Variants in IQSEC3 observed in about 807,000 individuals in gnomAD.
The protein encoded by IQSEC3 is IQ motif and Sec7 domain ArfGEF 3.
Under a neutral mutation model 105.4 loss-of-function variants are expected in IQSEC3, and 50 were observed. The ratio of observed to expected loss-of-function variants is 0.47; its 90% confidence interval spans 0.38 to 0.60. IQSEC3 has a LOEUF of 0.60. Ranked by LOEUF, IQSEC3 falls within the 20% of genes least tolerant of loss-of-function variation. The pLI, the probability that IQSEC3 is intolerant of heterozygous loss-of-function variation, is 0.00. For synonymous variants in IQSEC3, 708 were observed against 746.0 expected, an observed-to-expected ratio of 0.95 and a Z score of 0.83; for missense variants, 1,415 against 1,630.0, an observed-to-expected ratio of 0.87 and a Z score of 2.27.
intron 1 of IQSEC3, among the ~76,000 whole-genome samples, chr12:85,294 A>C (rs539592024): frequency 6.6e-6 from 1 of 152,178 alleles, no homozygotes; most frequent in African/African-American, 2.4e-5. Context: ...CAGAGGCCCA[A>C]TGGCTTTGAT....
In IQSEC3 at chr12:125,891, C is replaced by G. The variant is rs1164450238; in HGVS notation, c.882C>G (p.Ser294=). 6.5e-7 allele frequency: 1 copy of G among 1,533,718 alleles called. No homozygotes were observed. The highest frequency in any genetic ancestry group is 2.0e-5 in the Admixed American group (1 of 51,016). The change falls in exon 3 of 14, where the codon TCC becomes TCG. Residue 294 remains serine (S), a synonymous_variant. Coordinates refer to ENST00000538872, the MANE Select transcript of IQSEC3 (RefSeq NM_001170738.2). ...CTGCCGCCTCCGATTACGAACTCTC[C>G]CTTGACCTAAAGAATAAACAGGTAC... ...HAPAASDYEL[S]LDLKNKQIEM... is the part of the protein sequence containing the mutation.
intron 1 of IQSEC3, among the ~76,000 whole-genome samples, chr12:86,737 G>C (rs1863929055): frequency 6.6e-6 from 1 of 152,070 alleles, no homozygotes; most frequent in African/African-American, 2.4e-5. Context: ...GCACAACACA[G>C]GTATCTTGTT....
intron 3 of IQSEC3, among the ~76,000 whole-genome samples, chr12:131,003 C>T (rs1865573262): frequency 2.0e-5 from 1 of 49,754 alleles, no homozygotes; most frequent in Non-Finnish European, 4.2e-5. Flanking sequence ...GCACTGTGCC[C>T]CCCAGCTAGC....
At chr12:80,653 C>CA (rs34239110) in intron 1 of IQSEC3, among the ~76,000 whole-genome samples, 3,777 of 152,046 alleles carry the variant, frequency 0.025, 102 homozygotes, top group African/African-American at 0.073. Flanking sequence ...TAGCAGTGAA[C>CA]AAAAAAACTC....
intron 5 of IQSEC3, among the ~76,000 whole-genome samples, chr12:145,019 G>A (rs920465939): frequency 7.0e-4 from 107 of 152,306 alleles, no homozygotes; most frequent in African/African-American, 2.4e-3. Context: ...TTTTTGTAGC[G>A]ATGGGGGTCT....
At chr12:126,490 C>T (rs1348876291) in intron 3 of IQSEC3, among the ~76,000 whole-genome samples, 2 of 151,664 alleles carry the variant, frequency 1.3e-5, no homozygotes, top group African/African-American at 4.9e-5. Flanking sequence ...CCCATTGAAC[C>T]CCCAAAAAAG....
rs1238739057 is a variant in IQSEC3, at chr12:66,770, C to T, written c.-113C>T. On this transcript the variant is annotated 5_prime_UTR_variant, in exon 1 of 14. Coordinates refer to ENST00000538872, the MANE Select transcript of IQSEC3 (RefSeq NM_001170738.2). ...CGCGGCGCCGGCGGGGGGAGGGAGG[C>T]TGGGCCGGTGGGAGAGGGAGGCGAG... 23 of 941,252 alleles carry T rather than the reference C, an allele frequency of 2.4e-5. No homozygotes were observed. In the African/African-American group the frequency reaches 4.0e-4, roughly 17 times the overall value. 58.3% of individuals were successfully genotyped at this position (941,252 alleles called of 1,614,324 possible). A position where few individuals can be genotyped will look rare whatever the true frequency, so the allele number is the denominator to read the frequency against.
intron 3 of IQSEC3, among the ~76,000 whole-genome samples, chr12:134,112 G>T (rs140622248): frequency 8.5e-4 from 129 of 152,350 alleles, no homozygotes; most frequent in African/African-American, 2.9e-3. Context: ...ACACACAAAG[G>T]AGGCAGGAGC....
intron 2 of IQSEC3, among the ~76,000 whole-genome samples, chr12:104,575 T>C (rs1864576259): frequency 6.6e-6 from 1 of 152,150 alleles, no homozygotes; most frequent in Non-Finnish European, 1.5e-5. Flanking sequence ...AAAAAGATTT[T>C]GTAGTCTGCA....
chr12:160,394 AT>A (rs1190604985), intron 7 of IQSEC3, among the ~76,000 whole-genome samples: 9 of 151,760 alleles, frequency 5.9e-5, no homozygotes, highest in African/African-American at 2.2e-4. Context: ...ATCTGGAGAT[AT>A]TTTTTTCTTG....
chr12:178,256 T>G lies in IQSEC3; in HGVS notation c.*3223T>G, dbSNP rs1252683993. On this transcript the variant is annotated 3_prime_UTR_variant, in exon 14 of 14. Coordinates refer to ENST00000538872, the MANE Select transcript of IQSEC3 (RefSeq NM_001170738.2). ...ACCATCTGTCTGTCCGTCCCTGTTT[T>G]TGCTGTACATAACTCCTGCTGCACC... 1 of 152,210 alleles carries G rather than the reference T, an allele frequency of 6.6e-6. No homozygotes were observed. Among genetic ancestry groups the G allele is most frequent in the Non-Finnish European group, 1.5e-5 (1 of 68,070 alleles). The allele number at this position is 152,210 out of a possible 1,614,324, so 9.4% of individuals were successfully genotyped here.
At chr12:137,865 T>C (rs1750568500) in intron 3 of IQSEC3, among the ~76,000 whole-genome samples, 1 of 151,682 alleles carries the variant, frequency 6.6e-6, no homozygotes, top group South Asian at 2.1e-4. Context: ...GGTCTAGCTA[T>C]GTTGCCCAGC....
chr12:68,235 A>AG (rs572815364), intron 1 of IQSEC3, among the ~76,000 whole-genome samples: 2,597 of 150,194 alleles, frequency 0.017, 34 homozygotes, highest in African/African-American at 0.061. Flanking sequence ...CTCCAACTCA[A>AG]GGAGGGTTTT....
At chr12:108,014 G>C (rs1555078511) in intron 2 of IQSEC3, among the ~76,000 whole-genome samples, 1 of 152,134 alleles carries the variant, frequency 6.6e-6, no homozygotes, top group Non-Finnish European at 1.5e-5. Context: ...ACCACCTTAG[G>C]GATATCTGGG....
At chr12:140,984 A>G (rs952480931) in intron 4 of IQSEC3, 140 bp from the exon 5 acceptor site, 4 of 818,796 alleles carry the variant, frequency 4.9e-6, no homozygotes, top group Non-Finnish European at 7.8e-6. Context: ...CAGTGGGTTG[A>G]GGCTCTGGTG....
intron 4 of IQSEC3, 37 bp downstream of exon 4, chr12:139,391 C>T: frequency 1.4e-6 from 2 of 1,480,212 alleles, no homozygotes; most frequent in Non-Finnish European, 1.8e-6. Flanking sequence ...GAGTCCTGGG[C>T]GTCCTGGGAG....
intron 1 of IQSEC3, among the ~76,000 whole-genome samples, chr12:94,344 A>G (rs1864180874): frequency 6.6e-6 from 1 of 152,196 alleles, no homozygotes. Context: ...AGGAAACTTA[A>G]GCTAAGACAT....
intron 5 of IQSEC3, chr12:142,242 GT>G (rs1220411925): frequency 6.6e-6 from 1 of 152,258 alleles, no homozygotes; most frequent in Non-Finnish European, 1.5e-5. Flanking sequence ...GCCAGAGAGG[GT>G]TTGGACGCTG....
chr12:113,539 T>A (rs535033354), intron 2 of IQSEC3, among the ~76,000 whole-genome samples: 63 of 152,332 alleles, frequency 4.1e-4, no homozygotes, highest in Non-Finnish European at 8.4e-4. Context: ...CCTGGTGGGA[T>A]CTTGGTGTGG....
Sources: gnomAD v4.1 joint callset for allele counts (sites outside exome capture counted in the v4.1 genomes callset) on GRCh38, gnomAD v4.1.1 for gene constraint, MANE v1.5 for transcripts, NCBI Gene and HGNC (gene_info 2026-07-23, HGNC 2026-07-21) for gene names.